The following SUSD5 variants were observed in gnomAD, a reference collection of about 807,000 sequenced individuals.
The protein encoded by SUSD5 is sushi domain containing 5, also known as sushi domain-containing protein 5.
Under a neutral mutation model 29.5 loss-of-function variants are expected in SUSD5, and 33 were observed. That is an observed-to-expected ratio of 1.12 (90% confidence interval 0.85 to 1.49). The LOEUF is 1.49. SUSD5 is among the 40% of genes most tolerant of loss of function. The pLI is 0.00. For synonymous variants in SUSD5, 308 were observed against 325.3 expected (o/e 0.95, Z 0.57); for missense variants, 776 against 800.6 (o/e 0.97, Z 0.37).
chr3:33,200,613 CT>C (rs1217168832), intron 3 of SUSD5, among the ~76,000 whole-genome samples: 1 of 152,150 alleles, frequency 6.6e-6, no homozygotes, highest in Non-Finnish European at 1.5e-5. Flanking sequence ...GAGGGCAATT[CT>C]GGTGAGGGCC....
intron 4 of SUSD5, among the ~76,000 whole-genome samples, chr3:33,163,119 G>C (rs1454690581): frequency 6.6e-6 from 1 of 152,018 alleles, no homozygotes; most frequent in Non-Finnish European, 1.5e-5. Flanking sequence ...TGTTTAAGAG[G>C]ATAATTCCAA....
intron 3 of SUSD5, among the ~76,000 whole-genome samples, chr3:33,205,696 G>A (rs1256800438): frequency 1.3e-5 from 2 of 152,224 alleles, no homozygotes; most frequent in African/African-American, 4.8e-5. Context: ...CCTGTTGGAT[G>A]AGGAGAAACA....
intron 3 of SUSD5, among the ~76,000 whole-genome samples, chr3:33,197,050 T>A (rs1244036772): frequency 2.0e-5 from 3 of 152,200 alleles, no homozygotes; most frequent in Non-Finnish European, 2.9e-5. Flanking sequence ...ACAGCAGGTG[T>A]TAGCTATTAC....
chr3:33,197,535 C>T (rs1360234566), intron 3 of SUSD5, among the ~76,000 whole-genome samples: 4 of 150,900 alleles, frequency 2.7e-5, no homozygotes, highest in Admixed American at 2.6e-4. Flanking sequence ...TAAATGTATC[C>T]AATTGTATAA....
chr3:33,154,505 AGAGT>A (rs529353786), intron 4 of SUSD5, among the ~76,000 whole-genome samples: 5 of 152,322 alleles, frequency 3.3e-5, no homozygotes, highest in Admixed American at 6.5e-5. Flanking sequence ...CCTGGGTGAC[AGAGT>A]GAGACTCAAA....
chr3:33,203,410 A>C (rs76663555), intron 3 of SUSD5, among the ~76,000 whole-genome samples: 5,821 of 152,128 alleles, frequency 0.038, 321 homozygotes, highest in African/African-American at 0.13. Flanking sequence ...CTTCCTCACC[A>C]ATTAGGCCCT....
intron 4 of SUSD5, among the ~76,000 whole-genome samples, chr3:33,163,916 T>C (rs1291293878): frequency 6.6e-6 from 1 of 151,986 alleles, no homozygotes; most frequent in Non-Finnish European, 1.5e-5. Flanking sequence ...AGGAGAATGG[T>C]GTGAACCCGG....
chr3:33,185,140 C>T (rs575705340), intron 3 of SUSD5, among the ~76,000 whole-genome samples: 1 of 152,272 alleles, frequency 6.6e-6, no homozygotes, highest in African/African-American at 2.4e-5. Context: ...CAGTGCTTCT[C>T]ATTTTTCCCC....
intron 2 of SUSD5, among the ~76,000 whole-genome samples, chr3:33,211,451 G>A (rs2032322595): frequency 1.3e-5 from 2 of 152,128 alleles, no homozygotes; most frequent in African/African-American, 4.8e-5. Flanking sequence ...GCATGCACAG[G>A]GCATATTTTG....
At chr3:33,196,618 T>C (rs1327196205) in intron 3 of SUSD5, among the ~76,000 whole-genome samples, 1 of 152,208 alleles carries the variant, frequency 6.6e-6, no homozygotes, top group Non-Finnish European at 1.5e-5. Context: ...TCTCACACTC[T>C]CTACTTTTGG....
chr3:33,215,801 T>C (rs1271657850), intron 1 of SUSD5, among the ~76,000 whole-genome samples: 1 of 152,124 alleles, frequency 6.6e-6, no homozygotes, highest in Non-Finnish European at 1.5e-5. Context: ...AAATAAAACA[T>C]GTCAACTCAA....
At chr3:33,213,799 A>G (rs1324776707) in intron 2 of SUSD5, 129 bp downstream of exon 2, 1 of 1,046,544 alleles carries the variant, frequency 9.6e-7, no homozygotes, top group East Asian at 2.8e-5. Flanking sequence ...AAACAAAACA[A>G]AACATGAACA....
intron 4 of SUSD5, among the ~76,000 whole-genome samples, chr3:33,170,429 G>T (rs185199970): frequency 2.0e-5 from 3 of 152,186 alleles, no homozygotes; most frequent in Admixed American, 6.5e-5. Context: ...TACACAGAGG[G>T]GAGAAAATGG....
At chr3:33,207,336 G>A (rs1248347281) in intron 3 of SUSD5, among the ~76,000 whole-genome samples, 1 of 152,114 alleles carries the variant, frequency 6.6e-6, no homozygotes, top group African/African-American at 2.4e-5. Flanking sequence ...CCATGCACAC[G>A]GACTCCTGGT....
chr3:33,153,361 G>T lies in SUSD5; in HGVS notation c.1271C>A (p.Thr424Asn). Residue 424 changes from threonine (T) to asparagine (N), a missense_variant, in exon 5 of 5, where the codon ACC (threonine) becomes AAC (asparagine). Transcript: ENST00000309558. ...LVEVKKPKSSTLTPSEGMTHS... is the reference protein window; with the variant it reads ...LVEVKKPKSSNLTPSEGMTHS... ...GGTCATGCCCTCGCTTGGTGTGAGGGTGCTACTCTTGGGCTTCTTAACTTC... is the reference window on the plus strand; with the variant it reads ...GGTCATGCCCTCGCTTGGTGTGAGGTTGCTACTCTTGGGCTTCTTAACTTC... 1 of 1,613,844 alleles carries T rather than the reference G, an allele frequency of 6.2e-7. No individual in the cohort carries two copies. The highest frequency in any genetic ancestry group is 8.5e-7 in the Non-Finnish European group (1 of 1,179,818).
In SUSD5 at chr3:33,151,857, C is replaced by T. The variant is rs1020507948; in HGVS notation, c.*885G>A. On this transcript the variant is annotated 3_prime_UTR_variant, in exon 5 of 5. Coordinates refer to ENST00000309558, the MANE Select transcript of SUSD5 (RefSeq NM_015551.2). ...AGAGGGGGATGTGTGTTTCTTCACT[C>T]CTCAACTCCCCCAACAAAATGTCAG... The T allele has an allele frequency of 3.9e-5, 6 of 152,212 alleles. No individual in the cohort carries two copies. Among genetic ancestry groups the T allele is most frequent in the Non-Finnish European group, 1.5e-5 (1 of 68,042 alleles). The allele number at this position is 152,212 out of a possible 1,614,324, so 9.4% of individuals were successfully genotyped here.
intron 4 of SUSD5, among the ~76,000 whole-genome samples, chr3:33,156,423 A>G (rs535746853): frequency 1.3e-5 from 2 of 152,274 alleles, no homozygotes; most frequent in South Asian, 2.1e-4. Flanking sequence ...TCTGAATTCA[A>G]CTGAATAAGA....
intron 4 of SUSD5, among the ~76,000 whole-genome samples, chr3:33,159,328 T>C (rs555284274): frequency 1.3e-5 from 2 of 152,326 alleles, no homozygotes; most frequent in East Asian, 3.9e-4. Flanking sequence ...AGTGTGACTG[T>C]AGGGATACTC....
At position 33,211,975 on chromosome 3, in the gene SUSD5, A is replaced by G. The variant is rs1281021113; in HGVS notation, c.290+1953T>C. On this transcript the variant is annotated intron_variant, in intron 2 of 4. Transcript: ENST00000309558. ...CATACAGATATCCAGTTTTCCCAGC[A>G]CCATTTATTGAAGATACTGTCCTTT... Among the ~76,000 whole-genome samples, 3 of 152,124 alleles carry G rather than the reference A, an allele frequency of 2.0e-5. No individual in the cohort carries two copies. In the East Asian group the frequency reaches 5.8e-4, roughly 29 times the overall value.
Sources: gnomAD v4.1 joint callset for allele counts (sites outside exome capture counted in the v4.1 genomes callset) on GRCh38, gnomAD v4.1.1 for gene constraint, MANE v1.5 for transcripts, NCBI Gene and HGNC (gene_info 2026-07-23, HGNC 2026-07-21) for gene names.